Variants in NISCH observed in about 807,000 individuals in gnomAD.
NISCH encodes nischarin.
A neutral mutation model predicts 138.4 loss-of-function variants in NISCH; 55 were observed. That is an observed-to-expected ratio of 0.40 (90% confidence interval 0.32 to 0.50). The LOEUF is 0.50. Ranked by LOEUF, NISCH falls within the 20% of genes least tolerant of loss-of-function variation. The pLI is 0.71. For missense variants in NISCH, 1,643 were observed against 2,005.5 expected (o/e 0.82, Z 3.45); for synonymous variants, 860 against 861.5 (o/e 1.00, Z 0.03).
chr3:52,488,119 C>G lies in NISCH; in HGVS notation c.2627C>G (p.Ser876Ter). 1 of 1,613,162 alleles carries G rather than the reference C, an allele frequency of 6.2e-7. No individual in the cohort carries two copies. The highest frequency in any genetic ancestry group is 8.5e-7 in the Non-Finnish European group (1 of 1,179,998). Residue 876 changes from serine to a stop codon, truncating the protein, a stop_gained, in exon 16 of 21, where the codon TCA becomes TGA. Transcript: ENST00000345716. LOFTEE classifies it high-confidence loss of function. Reference sequence around the variant, plus strand: ...GTGCAGACGGCCGCCGGGGACTACTCAGGCAACATCGAGTGGGCCAGCTGC... The same window carrying G: ...GTGCAGACGGCCGCCGGGGACTACTGAGGCAACATCGAGTGGGCCAGCTGC... ...RMVQTAAGDY[S>*]GNIEWASCTL...
rs548260275 is a variant in NISCH, at chr3:52,462,861, C to T, written c.360+4017C>T. ...CTATGTTGGTGAGGCTGGTCTCAAA[C>T]GCTTGACCTCGTGATCCACCTGCCT... On this transcript the variant is annotated intron_variant, in intron 3 of 20. Transcript: ENST00000345716. Among the ~76,000 whole-genome samples, 60 of 152,252 alleles carry T rather than the reference C, an allele frequency of 3.9e-4. 1 individual carries two copies. In the South Asian group the frequency reaches 0.011, roughly 28 times the overall value.
Position 52,492,334 on chromosome 3 carries a change from G to A in NISCH, c.4367G>A (p.Gly1456Asp). Residue 1456 changes from glycine (G) to aspartate (D), a missense_variant, in exon 21 of 21, where the codon GGT (glycine) becomes GAT (aspartate). By Grantham distance (94) the Gly-to-Asp change is moderately conservative. Coordinates refer to ENST00000345716, the MANE Select transcript of NISCH (RefSeq NM_007184.4). Reference protein sequence around the residue: ...VTLDHFGEVPGGPARASQGRE... With the variant: ...VTLDHFGEVPDGPARASQGRE... The stretch of plus-strand genomic sequence containing the variant: ...CTGGACCACTTTGGGGAGGTGCCAG[G>A]TGGCCCGGCTAGAGCCAGCCAGGGC... 6.2e-7 allele frequency: 1 copy of A among 1,613,440 alleles called. No individual in the cohort carries two copies.
chr3:52,474,307 T>A (rs1707037062), intron 7 of NISCH, among the ~76,000 whole-genome samples: 2 of 151,482 alleles, frequency 1.3e-5, no homozygotes, highest in Non-Finnish European at 2.9e-5. Flanking sequence ...TTGTTGTTGT[T>A]GTTTTTTGAG....
At chr3:52,481,211 G>A (rs574749100) in intron 13 of NISCH, 10 of 1,156,620 alleles carry the variant, frequency 8.6e-6, no homozygotes, top group Admixed American at 4.7e-5. Context: ...CTGCAACATC[G>A]GAGGATGAGA....
rs1252228991 is a variant in NISCH at position 52,487,306 on chromosome 3, G to A, written c.1814G>A (p.Arg605His). ...YTATNQDFIQ[R>H]LSTLIRQAIE... is the part of the protein sequence containing the mutation. The stretch of plus-strand genomic sequence containing the variant: ...GCCACCAATCAGGACTTCATCCAGC[G>A]CCTGAGCACACTGATCCGGCAGGCC... Residue 605 changes from arginine (R) to histidine (H), a missense_variant, in exon 16 of 21, where the codon CGC (arginine) becomes CAC (histidine). Arg to His is a conservative substitution (Grantham distance 29, BLOSUM62 0). Transcript: ENST00000345716. The surrounding 1 kb of genome is among the most constrained non-coding windows in gnomAD (Gnocchi z 9.1). 9.3e-6 allele frequency: 15 copies of A among 1,614,032 alleles called. No individual in the cohort carries two copies. Among genetic ancestry groups the A allele is most frequent in the African/African-American group, 1.3e-5 (1 of 74,924 alleles).
intron 6 of NISCH, 89 bp downstream of exon 6, chr3:52,472,487 A>T: frequency 8.5e-7 from 1 of 1,172,794 alleles, no homozygotes. Context: ...TTTAATCATA[A>T]GGTGCTGTGC....
At chr3:52,474,436 A>G (rs1171460120) in intron 7 of NISCH, among the ~76,000 whole-genome samples, 2 of 152,108 alleles carry the variant, frequency 1.3e-5, no homozygotes, top group East Asian at 3.9e-4. Context: ...AGCTGGGACT[A>G]CAGGTGCCCG....
intron 5 of NISCH, 118 bp downstream of exon 5, chr3:52,472,095 G>T (rs781058237): frequency 1.0e-4 from 121 of 1,181,292 alleles, no homozygotes; most frequent in Non-Finnish European, 1.4e-4. Flanking sequence ...TGGAAGGAAG[G>T]CCGCCCGGTT....
chr3:52,473,390 C>A lies in NISCH; in HGVS notation c.670-344C>A, dbSNP rs112758307. 3.4e-3 allele frequency among the ~76,000 whole-genome samples: 522 copies of A among 152,280 alleles called. 7 individuals carry two copies. The highest frequency in any genetic ancestry group is 0.012 in the African/African-American group (496 of 41,546). ...GCTGGGTGAACAGGAGGATCCACCCCACTCGCTGTGCTGTGGAGGCCCCTT... is the reference window on the plus strand; with the variant it reads ...GCTGGGTGAACAGGAGGATCCACCCAACTCGCTGTGCTGTGGAGGCCCCTT... On this transcript the variant is annotated intron_variant, in intron 6 of 20. Transcript: ENST00000345716.
rs896289140 is a variant in NISCH, at chr3:52,491,862, C to G, written c.3905-10C>G. 2.5e-6 allele frequency: 4 copies of G among 1,573,426 alleles called. No individual in the cohort carries two copies. Among genetic ancestry groups the G allele is most frequent in the Middle Eastern group, 1.7e-4 (1 of 5,876 alleles). On this transcript the variant is annotated splice_polypyrimidine_tract_variant and intron_variant, in intron 20 of 20. Coordinates refer to ENST00000345716, the MANE Select transcript of NISCH (RefSeq NM_007184.4). ...TTCCAGGCTATAGCCCAGGTGGCAT[C>G]TCTCTGCAGGGAAGATGGAGAACTA...
In NISCH at chr3:52,462,786, G is replaced by A. The variant is rs145749010; in HGVS notation, c.360+3942G>A. Among the ~76,000 whole-genome samples the A allele has an allele frequency of 3.6e-3, 539 of 151,818 alleles. 4 individuals are homozygous for A. The highest frequency in any genetic ancestry group is 0.019 in the South Asian group (91 of 4,804). On this transcript the variant is annotated intron_variant, in intron 3 of 20. Coordinates refer to ENST00000345716, the MANE Select transcript of NISCH (RefSeq NM_007184.4). ...GAGTAGCTGGGATTACAGATGGCCC[G>A]CCACCACACCCAGCTAATTTTTTGT...
chr3:52,483,711 C>T (rs1014866683), intron 13 of NISCH, among the ~76,000 whole-genome samples: 4 of 152,230 alleles, frequency 2.6e-5, no homozygotes, highest in East Asian at 3.9e-4. Flanking sequence ...GGGCTGGCCC[C>T]CTGGTGAATT....
At chr3:52,459,929 C>G (rs1193422129) in intron 3 of NISCH, among the ~76,000 whole-genome samples, 1 of 150,018 alleles carries the variant, frequency 6.7e-6, no homozygotes, top group Non-Finnish European at 1.5e-5. Flanking sequence ...GCCTGTAATC[C>G]CAGCACTTTG....
intron 13 of NISCH, among the ~76,000 whole-genome samples, chr3:52,482,713 T>C (rs1323899033): frequency 1.3e-5 from 2 of 152,322 alleles, no homozygotes; most frequent in East Asian, 3.9e-4. Flanking sequence ...CGTGGACACC[T>C]TCCGCTAGGA....
chr3:52,491,686 C>T (rs1442449197), intron 20 of NISCH, 173 bp downstream of exon 20: 3 of 1,050,260 alleles, frequency 2.9e-6, no homozygotes, highest in Non-Finnish European at 4.1e-6. Context: ...TCCAGCAGTC[C>T]CTCAACCATC....
chr3:52,457,520 A>G (rs909106772), intron 1 of NISCH, among the ~76,000 whole-genome samples: 7 of 152,334 alleles, frequency 4.6e-5, no homozygotes, highest in African/African-American at 1.7e-4. Flanking sequence ...GCAGGAGGTA[A>G]AAAACTAAAG....
At chr3:52,468,223 C>T (rs1487615326) in intron 3 of NISCH, among the ~76,000 whole-genome samples, 1 of 152,160 alleles carries the variant, frequency 6.6e-6, no homozygotes, top group Non-Finnish European at 1.5e-5. Context: ...CACGCCACTG[C>T]ACTCCAGCCT....
intron 6 of NISCH, among the ~76,000 whole-genome samples, chr3:52,473,516 G>T (rs952258724): frequency 2.6e-5 from 4 of 152,200 alleles, no homozygotes; most frequent in African/African-American, 9.7e-5. Context: ...TTGTGAGTCT[G>T]AGGGGCCAGG....
intron 16 of NISCH, among the ~76,000 whole-genome samples, chr3:52,489,120 A>G (rs996125108): frequency 6.6e-6 from 1 of 151,994 alleles, no homozygotes; most frequent in African/African-American, 2.4e-5. Flanking sequence ...GGCTCAAACA[A>G]TCCTCCGCCT....
Sources: allele counts gnomAD v4.1 joint callset (sites outside exome capture counted in the v4.1 genomes callset), GRCh38; gene constraint gnomAD v4.1.1; non-coding constraint Gnocchi (gnomAD v3.1); transcripts MANE v1.5; gene names NCBI Gene and HGNC (gene_info 2026-07-23, HGNC 2026-07-21).